RUNX2: variants seen among roughly 807,000 people sequenced by gnomAD.
The protein encoded by RUNX2 is RUNX family transcription factor 2, also known as runt-related transcription factor 2.
Under a neutral mutation model 51.7 loss-of-function variants are expected in RUNX2, and 10 were observed. The observed-to-expected ratio is 0.19, with a 90% CI of 0.12 to 0.33. The LOEUF is 0.33. RUNX2 is among the 10% of genes least tolerant of loss of function. RUNX2 has a pLI of 1.00. For synonymous variants in RUNX2, 276 were observed against 273.6 expected, an observed-to-expected ratio of 1.01 and a Z score of -0.09; for missense variants, 562 against 691.3, an observed-to-expected ratio of 0.81 and a Z score of 2.10.
At chr6:45,406,089 T>C (rs1250126372) in intron 2 of RUNX2, among the ~76,000 whole-genome samples, 1 of 152,214 alleles carries the variant, frequency 6.6e-6, no homozygotes, top group East Asian at 1.9e-4. Flanking sequence ...TCTCTACCTA[T>C]TTCACAAATT....
intron 5 of RUNX2, among the ~76,000 whole-genome samples, chr6:45,467,635 CCTA>C (rs1293016253): frequency 2.0e-5 from 3 of 152,080 alleles, no homozygotes; most frequent in African/African-American, 7.2e-5. Flanking sequence ...TCATCTACCT[CCTA>C]CAAGTGGACA....
chr6:45,398,731 C>T (rs1797634173), intron 2 of RUNX2, among the ~76,000 whole-genome samples: 1 of 152,210 alleles, frequency 6.6e-6, no homozygotes, highest in Non-Finnish European at 1.5e-5. Flanking sequence ...TTAGGGCTTT[C>T]CTCCTTATAA....
rs766711626 is a variant in RUNX2 at position 45,422,633 on chromosome 6, C to T, written c.99C>T (p.Ser33=). 1.9e-6 allele frequency: 3 copies of T among 1,606,796 alleles called. No homozygotes were observed. In the South Asian group the frequency reaches 3.3e-5, roughly 18 times the overall value. The change falls in exon 3 of 9, where the codon AGC becomes AGT. Residue 33 remains serine (S), a synonymous_variant. Transcript: ENST00000647337. ...GGCGCTTCAGCCCCCCCTCCAGCAGCCTGCAGCCCGGCAAAATGAGCGACG... is the reference window on the plus strand; with the variant it reads ...GGCGCTTCAGCCCCCCCTCCAGCAGTCTGCAGCCCGGCAAAATGAGCGACG... ...TSRRFSPPSS[S]LQPGKMSDVS...
At chr6:45,455,104 T>A (rs1799284106) in intron 5 of RUNX2, among the ~76,000 whole-genome samples, 1 of 152,102 alleles carries the variant, frequency 6.6e-6, no homozygotes, top group Non-Finnish European at 1.5e-5. Flanking sequence ...ACAGTGAGAC[T>A]TTGGGAAGAA....
At chr6:45,399,505 G>A (rs150111215) in intron 2 of RUNX2, among the ~76,000 whole-genome samples, 2,944 of 151,304 alleles carry the variant, frequency 0.019, 94 homozygotes, top group African/African-American at 0.066. Flanking sequence ...GATTACAGGC[G>A]TGCACCACCA....
rs893036674 is a variant in RUNX2, at chr6:45,512,134, AT to A, written c.860-103del. The A allele has an allele frequency of 1.1e-3, 1,028 of 941,152 alleles. 6 individuals carry two copies. In the African/African-American group the frequency reaches 0.012, roughly 11 times the overall value. The allele number at this position is 941,152 out of a possible 1,614,324, so 58.3% of individuals were successfully genotyped here. A position where few individuals can be genotyped will look rare whatever the true frequency, so the allele number is the denominator to read the frequency against. ...CTTATATATTATATATATATAAGCC[AT>A]TTTTTTTTCTCTCCCTGTTTTTCTG... On this transcript the variant is annotated intron_variant, in intron 6 of 8. Transcript: ENST00000647337.
intron 7 of RUNX2, among the ~76,000 whole-genome samples, chr6:45,521,558 T>C (rs1801509309): frequency 6.6e-6 from 1 of 152,250 alleles, no homozygotes; most frequent in Non-Finnish European, 1.5e-5. Flanking sequence ...TCAAAGCTCT[T>C]TTCTGAGAAA....
At chr6:45,328,880 A>G (rs1562961992) in intron 2 of RUNX2, 96 bp downstream of exon 2, 1 of 1,277,616 alleles carries the variant, frequency 7.8e-7, no homozygotes, top group Non-Finnish European at 1.1e-6. Flanking sequence ...CAAATAGCAT[A>G]TTAAAGATCC....
chr6:45,484,751 G>A (rs1295918245), intron 5 of RUNX2, among the ~76,000 whole-genome samples: 2 of 152,126 alleles, frequency 1.3e-5, no homozygotes, highest in Admixed American at 6.5e-5. Context: ...GAATGCAATC[G>A]TGACTTTAAA....
chr6:45,393,555 G>A (rs531566052), intron 2 of RUNX2, among the ~76,000 whole-genome samples: 24 of 151,846 alleles, frequency 1.6e-4, no homozygotes, highest in African/African-American at 5.1e-4. Flanking sequence ...TCAGCCTCCC[G>A]AATAGCTGGG....
intron 5 of RUNX2, among the ~76,000 whole-genome samples, chr6:45,440,897 C>A (rs1393258461): frequency 6.6e-6 from 1 of 152,036 alleles, no homozygotes; most frequent in Non-Finnish European, 1.5e-5. Context: ...TGGAGCATTT[C>A]GGATTTTCAG....
At chr6:45,350,335 G>A (rs1291416023) in intron 2 of RUNX2, among the ~76,000 whole-genome samples, 2 of 152,140 alleles carry the variant, frequency 1.3e-5, no homozygotes, top group Non-Finnish European at 2.9e-5. Flanking sequence ...TGCCCAACAG[G>A]TGCTAGTCTA....
At chr6:45,417,463 T>C (rs1798088472) in intron 2 of RUNX2, among the ~76,000 whole-genome samples, 1 of 152,252 alleles carries the variant, frequency 6.6e-6, no homozygotes, top group African/African-American at 2.4e-5. Flanking sequence ...AATATTAATC[T>C]AATTAACAAT....
chr6:45,356,732 A>G lies in RUNX2; in HGVS notation c.58+27948A>G, dbSNP rs1013020184. On this transcript the variant is annotated intron_variant, in intron 2 of 8. Transcript: ENST00000647337. ...ATTCTCATTTCTTTGGCTGTAATGT[A>G]AAAGTGTCCATCAGTCTCACATCTA... Among the ~76,000 whole-genome samples, 5 of 152,104 alleles carry G rather than the reference A, an allele frequency of 3.3e-5. No individual in the cohort carries two copies. In the East Asian group the frequency reaches 9.7e-4, roughly 30 times the overall value.
intron 5 of RUNX2, among the ~76,000 whole-genome samples, chr6:45,479,610 A>T (rs1346130891): frequency 6.6e-6 from 1 of 152,224 alleles, no homozygotes; most frequent in Non-Finnish European, 1.5e-5. Context: ...ATATGTGGAA[A>T]AGGGAATATA....
chr6:45,488,642 T>G (rs1800356529), intron 5 of RUNX2, among the ~76,000 whole-genome samples: 1 of 152,214 alleles, frequency 6.6e-6, no homozygotes, highest in African/African-American at 2.4e-5. Context: ...TGATCTGATA[T>G]GGGGCCTGGA....
At chr6:45,429,822 G>A (rs1056563195) in intron 3 of RUNX2, among the ~76,000 whole-genome samples, 1 of 152,118 alleles carries the variant, frequency 6.6e-6, no homozygotes, top group African/African-American at 2.4e-5. Flanking sequence ...GGCTGGGCTC[G>A]GTGGCTCACG....
intron 2 of RUNX2, among the ~76,000 whole-genome samples, chr6:45,355,981 C>T (rs1041166990): frequency 6.6e-6 from 1 of 152,010 alleles, no homozygotes; most frequent in Admixed American, 6.5e-5. Flanking sequence ...CCATGAAAGG[C>T]TAATAGAACT....
In RUNX2 at chr6:45,547,272, C is replaced by T. The variant is rs764484914; in HGVS notation, c.1533C>T (p.Gly511=). ...CCCCAACTGTTTTGAATTCTAGTGG[C>T]AGAATGGATGAATCTGTTTGGCGAC... The part of the protein sequence containing the change: ...SSSPTVLNSS[G]RMDESVWRPY The change falls in exon 9 of 9, where the codon GGC becomes GGT. Residue 511 remains glycine, a synonymous_variant. Transcript: ENST00000647337. The T allele has an allele frequency of 2.5e-6, 4 of 1,614,142 alleles. No homozygotes were observed. Among genetic ancestry groups the T allele is most frequent in the Non-Finnish European group, 3.4e-6 (4 of 1,179,998 alleles).
Sources: gnomAD v4.1 joint callset for allele counts (sites outside exome capture counted in the v4.1 genomes callset) on GRCh38, gnomAD v4.1.1 for gene constraint, MANE v1.5 for transcripts, NCBI Gene and HGNC (gene_info 2026-07-23, HGNC 2026-07-21) for gene names.